INPP5D: variants seen among roughly 807,000 people sequenced by gnomAD.
The protein encoded by INPP5D is phosphatidylinositol 3,4,5-trisphosphate 5-phosphatase 1.
In INPP5D, 33 loss-of-function variants were observed where a neutral mutation model predicts 122.9. The ratio of observed to expected loss-of-function variants is 0.27; its 90% confidence interval spans 0.20 to 0.36. The LOEUF is 0.36. Among genes scored for constraint, INPP5D ranks in the 10% least tolerant of loss-of-function variants. The probability of loss-of-function intolerance (pLI) is 1.00; values close to 1 mark genes in which losing one functional copy is unlikely to be tolerated. For missense variants in INPP5D, 1,053 were observed against 1,412.7 expected, an observed-to-expected ratio of 0.75 and a Z score of 4.08; for synonymous variants, 584 against 576.2, an observed-to-expected ratio of 1.01 and a Z score of -0.19.
intron 2 of INPP5D, among the ~76,000 whole-genome samples, chr2:233,121,716 G>A (rs1692985408): frequency 6.6e-6 from 1 of 151,566 alleles, no homozygotes; most frequent in Admixed American, 6.6e-5. Flanking sequence ...AGCAGAGATG[G>A]GGTTTCATCG....
chr2:233,153,478 G>A (rs1003961994), intron 9 of INPP5D, among the ~76,000 whole-genome samples: 10 of 152,134 alleles, frequency 6.6e-5, no homozygotes, highest in South Asian at 2.1e-4. Context: ...TCTGAAAGCC[G>A]GAAAGGAGAT....
chr2:233,068,300 A>ATT (rs2106198776), intron 1 of INPP5D, among the ~76,000 whole-genome samples: 1 of 150,468 alleles, frequency 6.6e-6, no homozygotes, highest in East Asian at 2.0e-4. Context: ...AAAAAAAAAA[A>ATT]AATCATGCTG....
At chr2:233,194,017 A>G (rs1208826807) in intron 23 of INPP5D, 56 bp downstream of exon 23, 51 of 1,505,260 alleles carry the variant, frequency 3.4e-5, no homozygotes, top group Non-Finnish European at 4.4e-5. Context: ...AGGGACGGGA[A>G]CGTGCTTTCT....
At chr2:233,099,764 T>G (rs538335775) in intron 2 of INPP5D, among the ~76,000 whole-genome samples, 1 of 152,338 alleles carries the variant, frequency 6.6e-6, no homozygotes, top group East Asian at 1.9e-4. Flanking sequence ...CCCTTGATTA[T>G]TCCACAGTGA....
At chr2:233,192,334 C>T (rs1035587700) in intron 22 of INPP5D, among the ~76,000 whole-genome samples, 5 of 152,162 alleles carry the variant, frequency 3.3e-5, no homozygotes, top group East Asian at 1.9e-4. Context: ...TTGTTTCTTC[C>T]GCTTCATATT....
intron 2 of INPP5D, among the ~76,000 whole-genome samples, chr2:233,096,173 A>T (rs1033918374): frequency 6.6e-6 from 1 of 152,120 alleles, no homozygotes; most frequent in African/African-American, 2.4e-5. Flanking sequence ...TGCGTATATG[A>T]TTGTAAAATA....
chr2:233,116,306 T>C (rs1308055944), intron 2 of INPP5D, among the ~76,000 whole-genome samples: 2 of 142,822 alleles, frequency 1.4e-5, no homozygotes, highest in Non-Finnish European at 3.0e-5. Context: ...TAGATACTTT[T>C]TGAGACAGGG....
rs2106295965 is a variant in INPP5D at position 233,164,357 on chromosome 2, T to C, written c.1488T>C (p.Pro496=). ...WNIRIVVLAK[P]EHENRISHIC... ...TCCGCATCGTGGTGCTGGCCAAGCCTGAGCACGAGAACCGGATCAGCCACA... is the reference window on the plus strand; with the variant it reads ...TCCGCATCGTGGTGCTGGCCAAGCCCGAGCACGAGAACCGGATCAGCCACA... Residue 496 remains proline, a synonymous_variant, in exon 13 of 27, where the codon CCT becomes CCC. Coordinates refer to ENST00000445964, the MANE Select transcript of INPP5D (RefSeq NM_001017915.3). The surrounding 1 kb of genome is among the most constrained non-coding windows in gnomAD (Gnocchi z 4.3). The C allele has an allele frequency of 6.4e-7, 1 of 1,552,802 alleles. No individual in the cohort carries two copies. The highest frequency in any genetic ancestry group is 8.7e-7 in the Non-Finnish European group (1 of 1,147,646).
rs1694149666 is a variant in INPP5D, at chr2:233,159,665, G to T, written c.1137+1246G>T. Among the ~76,000 whole-genome samples the T allele has an allele frequency of 2.4e-5, 3 of 127,544 alleles. 1 individual carries two copies. The South Asian group carries it at 7.5e-4, about 32-fold the overall frequency. 83.7% of individuals were successfully genotyped at this position (127,544 alleles called of 152,430 possible). A position where few individuals can be genotyped will look rare whatever the true frequency, so the allele number is the denominator to read the frequency against. On this transcript the variant is annotated intron_variant, in intron 10 of 26. Coordinates refer to ENST00000445964, the MANE Select transcript of INPP5D (RefSeq NM_001017915.3). ...GCTATGATCACACCACTGCACTCCA[G>T]CCTAGATGACAGAGCAAGATCCTGT...
chr2:233,067,243 A>C (rs959351680), intron 1 of INPP5D, among the ~76,000 whole-genome samples: 1 of 152,226 alleles, frequency 6.6e-6, no homozygotes, highest in Non-Finnish European at 1.5e-5. Context: ...CAGCAACTAA[A>C]TGACTTTTTG....
intron 25 of INPP5D, among the ~76,000 whole-genome samples, chr2:233,203,138 T>A (rs1695383023): frequency 6.6e-6 from 1 of 152,164 alleles, no homozygotes; most frequent in Non-Finnish European, 1.5e-5. Context: ...ATGAGTTTGG[T>A]AGATGGAGCC....
At chr2:233,192,095 G>C (rs1177067533) in intron 22 of INPP5D, among the ~76,000 whole-genome samples, 1 of 152,184 alleles carries the variant, frequency 6.6e-6, no homozygotes, top group African/African-American at 2.4e-5. Flanking sequence ...TGGCAAGAGG[G>C]TCCCCAAGCT....
chr2:233,096,506 G>A (rs1574722006), intron 2 of INPP5D, among the ~76,000 whole-genome samples: 1 of 151,960 alleles, frequency 6.6e-6, no homozygotes, highest in Non-Finnish European at 1.5e-5. Context: ...ACAAAAATTA[G>A]CCAGGCGTGG....
At chr2:233,146,105 C>T (rs1259446104) in intron 6 of INPP5D, 57 bp from the exon 7 acceptor site, 1 of 704,030 alleles carries the variant, frequency 1.4e-6, no homozygotes, top group Non-Finnish European at 2.6e-6. Flanking sequence ...AGAGCATTGC[C>T]TCTCGATGGT....
intron 26 of INPP5D, among the ~76,000 whole-genome samples, chr2:233,205,904 C>A (rs955276177): frequency 1.3e-5 from 2 of 152,080 alleles, no homozygotes; most frequent in African/African-American, 4.8e-5. Context: ...TATGGTGAAA[C>A]CCTGTCTCTA....
chr2:233,125,431 C>T (rs538899888), intron 3 of INPP5D, among the ~76,000 whole-genome samples: 27 of 152,348 alleles, frequency 1.8e-4, no homozygotes, highest in African/African-American at 6.0e-4. Flanking sequence ...CCAGACTCAT[C>T]CTGCTCACCT....
At position 233,082,246 on chromosome 2, in the gene INPP5D, G is replaced by T. The variant is rs1172272544; in HGVS notation, c.198+2848G>T. Among the ~76,000 whole-genome samples, 1 of 152,210 alleles carries T rather than the reference G, an allele frequency of 6.6e-6. No homozygotes were observed. Among genetic ancestry groups the T allele is most frequent in the Non-Finnish European group, 1.5e-5 (1 of 68,032 alleles). On this transcript the variant is annotated intron_variant, in intron 2 of 26. Coordinates refer to ENST00000445964, the MANE Select transcript of INPP5D (RefSeq NM_001017915.3). The surrounding 1 kb of genome is among the most constrained non-coding windows in gnomAD (Gnocchi z 4.7). The stretch of plus-strand genomic sequence containing the variant: ...CACCTTCGAAAATCTACCTCCAAGA[G>T]TAAATGACAGCAGACGTCCACTGAG...
At chr2:233,194,795 C>A (rs1695140668) in intron 23 of INPP5D, among the ~76,000 whole-genome samples, 1 of 151,224 alleles carries the variant, frequency 6.6e-6, no homozygotes, top group African/African-American at 2.4e-5. Flanking sequence ...CTGCACCGAG[C>A]CTTTTTTTTT....
At chr2:233,147,696 C>T in intron 9 of INPP5D, 102 bp downstream of exon 9, 2 of 663,946 alleles carry the variant, frequency 3.0e-6, no homozygotes, top group East Asian at 2.7e-5. Flanking sequence ...GGTCTGTCTT[C>T]CGCACGCATG....
Sources: allele counts gnomAD v4.1 joint callset (sites outside exome capture counted in the v4.1 genomes callset), GRCh38; gene constraint gnomAD v4.1.1; non-coding constraint Gnocchi (gnomAD v3.1); transcripts MANE v1.5; gene names NCBI Gene and HGNC (gene_info 2026-07-23, HGNC 2026-07-21).